Variants in MAGI1 observed in about 807,000 individuals in gnomAD.
MAGI1 encodes membrane associated guanylate kinase, WW and PDZ domain containing 1.
Under a neutral mutation model 139.9 loss-of-function variants are expected in MAGI1, and 58 were observed. That is an observed-to-expected ratio of 0.41 (90% CI 0.34 to 0.52). The LOEUF is 0.52. Among genes scored for constraint, MAGI1 ranks in the 20% least tolerant of loss-of-function variants. The pLI is 0.12. For missense variants in MAGI1, 1,874 were observed against 1,901.6 expected (o/e 0.99, Z 0.27); for synonymous variants, 812 against 737.9 (o/e 1.10, Z -1.63).
chr3:65,677,651 C>T (rs955955562), intron 1 of MAGI1, among the ~76,000 whole-genome samples: 1 of 152,208 alleles, frequency 6.6e-6, no homozygotes, highest in Non-Finnish European at 1.5e-5. Context: ...CTCCACACCT[C>T]ACAGCTTTCT....
intron 1 of MAGI1, among the ~76,000 whole-genome samples, chr3:65,732,818 A>C (rs2034320834): frequency 6.6e-6 from 1 of 152,002 alleles, no homozygotes; most frequent in Non-Finnish European, 1.5e-5. Context: ...CTATATGCTA[A>C]GAAGTATCTT....
intron 1 of MAGI1, among the ~76,000 whole-genome samples, chr3:65,961,051 CT>C (rs1466867074): frequency 6.6e-6 from 1 of 152,156 alleles, no homozygotes; most frequent in Non-Finnish European, 1.5e-5. Flanking sequence ...AATAAGAAAA[CT>C]TGCTTTCAAC....
chr3:65,771,399 C>T (rs975375914), intron 1 of MAGI1, among the ~76,000 whole-genome samples: 4 of 151,920 alleles, frequency 2.6e-5, no homozygotes, highest in African/African-American at 7.3e-5. Flanking sequence ...AAAGGTGTTT[C>T]TTAATTATTT....
chr3:65,624,273 CAT>C (rs1407630474), intron 1 of MAGI1, among the ~76,000 whole-genome samples: 1 of 151,646 alleles, frequency 6.6e-6, no homozygotes, highest in Non-Finnish European at 1.5e-5. Flanking sequence ...CCCTTATTTA[CAT>C]GACAGAAATG....
At chr3:65,950,754 C>T (rs1470249557) in intron 1 of MAGI1, among the ~76,000 whole-genome samples, 1 of 152,098 alleles carries the variant, frequency 6.6e-6, no homozygotes, top group Non-Finnish European at 1.5e-5. Context: ...GAAAAGCTTC[C>T]CTTGAATCAA....
intron 3 of MAGI1, among the ~76,000 whole-genome samples, chr3:65,489,475 T>C (rs371298955): frequency 6.6e-6 from 1 of 152,156 alleles, no homozygotes; most frequent in African/African-American, 2.4e-5. Context: ...TGAAGCACTG[T>C]TTATAACACG....
intron 1 of MAGI1, among the ~76,000 whole-genome samples, chr3:66,017,847 G>A (rs1035664110): frequency 7.2e-5 from 11 of 152,082 alleles, no homozygotes; most frequent in African/African-American, 2.7e-4. Flanking sequence ...TCCCAACTTT[G>A]AAAAGAAAGG....
chr3:65,591,517 C>T (rs1266365002), intron 2 of MAGI1, among the ~76,000 whole-genome samples: 2 of 152,136 alleles, frequency 1.3e-5, no homozygotes, highest in African/African-American at 2.4e-5. Flanking sequence ...TCTCTGCTTC[C>T]GCTCCTTCGG....
intron 1 of MAGI1, among the ~76,000 whole-genome samples, chr3:65,762,026 A>G (rs9311956): frequency 0.02 from 2,980 of 152,244 alleles, 92 homozygotes; most frequent in African/African-American, 0.068. Context: ...TAAGAGCCTA[A>G]AAAGTTTTCA....
chr3:65,782,613 C>CAAAAAAAAA, intron 1 of MAGI1, among the ~76,000 whole-genome samples: 1 of 60,544 alleles, frequency 1.7e-5, no homozygotes, highest in Non-Finnish European at 3.0e-5. Flanking sequence ...ATTTCTTAAG[C>CAAAAAAAAA]AAAAAAAAAA....
Position 65,470,474 on chromosome 3 carries a change from A to T in MAGI1, c.768T>A (p.Gly256=). ...CTTGGAGAGTGTGCTCCTCTTGTTCACCAGAATCGGCTGCTTAATCATGTG... is the reference window on the plus strand; with the variant it reads ...CTTGGAGAGTGTGCTCCTCTTGTTCTCCAGAATCGGCTGCTTAATCATGTG... ...EMNSSFTADS[G]EQEEHTLQET... The change falls in exon 5 of 23, where the codon GGT becomes GGA. Residue 256 remains glycine (G), a synonymous_variant. Coordinates refer to ENST00000402939, the MANE Select transcript of MAGI1 (RefSeq NM_001033057.2). 1 of 1,611,762 alleles carries T rather than the reference A, an allele frequency of 6.2e-7. No homozygotes were observed. The highest frequency in any genetic ancestry group is 8.5e-7 in the Non-Finnish European group (1 of 1,178,936).
intron 18 of MAGI1, among the ~76,000 whole-genome samples, chr3:65,367,790 G>C (rs1274729912): frequency 1.3e-5 from 2 of 152,102 alleles, no homozygotes; most frequent in Admixed American, 6.6e-5. Context: ...TCATGTGTTG[G>C]TATTGAGGAA....
intron 1 of MAGI1, among the ~76,000 whole-genome samples, chr3:65,969,287 G>A (rs1429463165): frequency 1.3e-5 from 2 of 152,162 alleles, no homozygotes; most frequent in African/African-American, 4.8e-5. Flanking sequence ...CATTTCACCG[G>A]GAGCGGAGTT....
intron 1 of MAGI1, among the ~76,000 whole-genome samples, chr3:65,641,334 G>T (rs2084972683): frequency 6.6e-6 from 1 of 152,154 alleles, no homozygotes; most frequent in African/African-American, 2.4e-5. Context: ...AATGAACACT[G>T]AAATCACCTG....
At position 65,962,720 on chromosome 3, in the gene MAGI1, G is replaced by C. The variant is rs149776012; in HGVS notation, c.313+75276C>G. Among the ~76,000 whole-genome samples, 101 of 151,552 alleles carry C rather than the reference G, an allele frequency of 6.7e-4. 2 individuals are homozygous for C. In the East Asian group the frequency reaches 0.017, roughly 25 times the overall value. On this transcript the variant is annotated intron_variant, in intron 1 of 22. Transcript: ENST00000402939. ...CACATCTGTAATCCCAGCTACTCAGGAGGTTGAGACACAAGAAACACTTGA... is the reference window on the plus strand; with the variant it reads ...CACATCTGTAATCCCAGCTACTCAGCAGGTTGAGACACAAGAAACACTTGA...
In MAGI1 at chr3:65,356,558, G is replaced by A. The variant is rs1210251875; in HGVS notation, c.4209C>T (p.Arg1403=). 2 of 1,607,340 alleles carry A rather than the reference G, an allele frequency of 1.2e-6. No individual in the cohort carries two copies. The highest frequency in any genetic ancestry group is 1.7e-5 in the Admixed American group (1 of 59,254). The change falls in exon 23 of 23, where the codon CGC becomes CGT. Residue 1403 remains arginine (R), a synonymous_variant. Coordinates refer to ENST00000402939, the MANE Select transcript of MAGI1 (RefSeq NM_001033057.2). Reference sequence around the variant, plus strand: ...CTCTCCTGCGCTCGGGGGAGCGTGCGCGCCTCCGGTCGGTGGACTTGGCCC... The same window carrying A: ...CTCTCCTGCGCTCGGGGGAGCGTGCACGCCTCCGGTCGGTGGACTTGGCCC... ...ERRAKSTDRR[R]ARSPERRRER...
intron 1 of MAGI1, among the ~76,000 whole-genome samples, chr3:65,682,582 C>T (rs904888472): frequency 2.6e-5 from 4 of 152,092 alleles, no homozygotes; most frequent in Non-Finnish European, 2.9e-5. Context: ...ATCTCTTACA[C>T]CAAATTTACT....
chr3:65,649,308 G>A (rs2085451524), intron 1 of MAGI1, among the ~76,000 whole-genome samples: 1 of 152,150 alleles, frequency 6.6e-6, no homozygotes, highest in Admixed American at 6.5e-5. Flanking sequence ...CCTGAGCCCG[G>A]GATTACAAGG....
intron 1 of MAGI1, among the ~76,000 whole-genome samples, chr3:65,931,475 G>C (rs1172244218): frequency 6.6e-6 from 1 of 152,200 alleles, no homozygotes; most frequent in Non-Finnish European, 1.5e-5. Context: ...AGACCAGCCA[G>C]GGCAACATGG....
Sources: gnomAD v4.1 joint callset for allele counts (sites outside exome capture counted in the v4.1 genomes callset) on GRCh38, gnomAD v4.1.1 for gene constraint, MANE v1.5 for transcripts, NCBI Gene and HGNC (gene_info 2026-07-23, HGNC 2026-07-21) for gene names.